Variants in COL5A2 observed in about 807,000 individuals in gnomAD.
COL5A2 encodes collagen alpha-2(V) chain.
In COL5A2, 23 loss-of-function variants were observed where a neutral mutation model predicts 208.2. That is an observed-to-expected ratio of 0.11 (90% CI 0.08 to 0.16). COL5A2 has a LOEUF of 0.16. Among genes scored for constraint, COL5A2 ranks in the 10% least tolerant of loss-of-function variants. COL5A2 has a pLI of 1.00. For synonymous variants in COL5A2, 625 were observed against 628.5 expected (o/e 0.99, Z 0.08); for missense variants, 1,590 against 1,956.4 (o/e 0.81, Z 3.53).
At chr2:189,064,219 C>T (rs149223409) in intron 25 of COL5A2, among the ~76,000 whole-genome samples, 186 bp from the exon 26 acceptor site, 1 of 152,096 alleles carries the variant, frequency 6.6e-6, no homozygotes, top group African/African-American at 2.4e-5. Flanking sequence ...ACTTTATTTG[C>T]TATATTGCTA....
the COL5A2 span, among the ~76,000 whole-genome samples, chr2:189,386,938 G>A: frequency 2.0e-5 from 3 of 151,422 alleles, no homozygotes; most frequent in Non-Finnish European, 3.0e-5. Flanking sequence ...CAGAAAAACT[G>A]TTTGACTCAG....
At chr2:189,179,387 C>A in intron 1 of COL5A2, 121 bp downstream of exon 1, 1 of 1,107,272 alleles carries the variant, frequency 9.0e-7, no homozygotes, top group South Asian at 1.3e-5. Context: ...GCAAATCCGT[C>A]AGCCCCCTTC....
At chr2:189,183,264 G>T (rs1176614355), upstream of COL5A2, among the ~76,000 whole-genome samples, 1 of 152,114 alleles carries the variant, frequency 6.6e-6, no homozygotes, top group African/African-American at 2.4e-5. Context: ...TCCATTCATG[G>T]CTTCCCTGGT....
At chr2:189,316,582 T>C in the COL5A2 span, among the ~76,000 whole-genome samples, 1 of 151,586 alleles carries the variant, frequency 6.6e-6, no homozygotes, top group South Asian at 2.1e-4. Context: ...CAAACTGGGG[T>C]CCTTCAGAGG....
intron 1 of COL5A2, among the ~76,000 whole-genome samples, chr2:189,129,934 A>G (rs150759791): frequency 1.8e-3 from 280 of 152,186 alleles, no homozygotes; most frequent in African/African-American, 6.1e-3. Context: ...GCAAAGGAAG[A>G]TGAAATAAAT....
At chr2:189,229,541 G>C (rs560315118), upstream of COL5A2, among the ~76,000 whole-genome samples, 6 of 151,374 alleles carry the variant, frequency 4.0e-5, no homozygotes, top group African/African-American at 1.2e-4. Flanking sequence ...ACTAACAGTG[G>C]ACAATCTGAA....
chr2:189,305,572 C>T, the COL5A2 span, among the ~76,000 whole-genome samples: 1,386 of 152,260 alleles, frequency 9.1e-3, 69 homozygotes, highest in Admixed American at 0.071. Context: ...GCCTCCAGAA[C>T]TGTTACAAAT....
chr2:189,305,534 T>A, the COL5A2 span, among the ~76,000 whole-genome samples: 1 of 152,214 alleles, frequency 6.6e-6, no homozygotes, highest in African/African-American at 2.4e-5. Context: ...ATACCAAACC[T>A]GACAGCACAT....
intron 1 of COL5A2, among the ~76,000 whole-genome samples, chr2:189,193,407 A>C (rs762094906): frequency 1.3e-5 from 2 of 152,268 alleles, no homozygotes; most frequent in Non-Finnish European, 2.9e-5. Flanking sequence ...ATGCAAAATC[A>C]AAATACTATT....
At chr2:189,064,729 G>GATAA in intron 24 of COL5A2, 74 bp from the exon 25 acceptor site, 3 of 1,113,514 alleles carry the variant, frequency 2.7e-6, no homozygotes, top group Non-Finnish European at 4.1e-6. Flanking sequence ...TAAAATTATC[G>GATAA]TTTTACAAAT....
chr2:189,410,909 AATT>A, the COL5A2 span, among the ~76,000 whole-genome samples: 1 of 152,212 alleles, frequency 6.6e-6, no homozygotes, highest in Admixed American at 6.5e-5. Context: ...TTAAAATTAT[AATT>A]ATTAACTTTA....
At chr2:189,135,354 G>A (rs36019389) in intron 1 of COL5A2, among the ~76,000 whole-genome samples, 117,436 of 152,110 alleles carry the variant, frequency 0.77, 48,729 homozygotes, top group Non-Finnish European at 0.91. Flanking sequence ...TTGCCACACA[G>A]TCAGTTGTGA....
the COL5A2 span, among the ~76,000 whole-genome samples, chr2:189,394,539 T>C: frequency 6.6e-6 from 1 of 152,224 alleles, no homozygotes; most frequent in African/African-American, 2.4e-5. Context: ...CCAAGAATAA[T>C]ACTTTCAACA....
At chr2:189,389,671 T>C in the COL5A2 span, among the ~76,000 whole-genome samples, 1 of 152,328 alleles carries the variant, frequency 6.6e-6, no homozygotes, top group African/African-American at 2.4e-5. Context: ...TTATTATTTA[T>C]TCCTATTGTA....
At chr2:189,083,926 AT>A (rs761227029) in intron 12 of COL5A2, 57 bp downstream of exon 12, 72 of 1,261,744 alleles carry the variant, frequency 5.7e-5, no homozygotes, top group Non-Finnish European at 8.3e-5. Context: ...GAGAATTGTG[AT>A]TTAATTCAAT....
the COL5A2 span, among the ~76,000 whole-genome samples, chr2:189,400,986 A>T: frequency 6.6e-6 from 1 of 152,234 alleles, no homozygotes; most frequent in Non-Finnish European, 1.5e-5. Flanking sequence ...TTTATGTATC[A>T]GAGTAACTTG....
chr2:189,229,627 G>A (rs901188747), upstream of COL5A2, among the ~76,000 whole-genome samples: 4 of 151,366 alleles, frequency 2.6e-5, no homozygotes, highest in African/African-American at 9.7e-5. Context: ...TTTAACTGAG[G>A]GACCAAAAGA....
At chr2:189,212,779 G>A (rs1033647864) in intron 1 of COL5A2, among the ~76,000 whole-genome samples, 2 of 151,744 alleles carry the variant, frequency 1.3e-5, no homozygotes, top group African/African-American at 4.8e-5. Context: ...ATAAATTGGG[G>A]TGGCAAGAGG....
At chr2:189,297,904 C>CT in the COL5A2 span, among the ~76,000 whole-genome samples, 1 of 152,130 alleles carries the variant, frequency 6.6e-6, no homozygotes, top group African/African-American at 2.4e-5. Flanking sequence ...TTTAATAATA[C>CT]TTTGTCAAAT....
Sources: allele counts gnomAD v4.1 joint callset (sites outside exome capture counted in the v4.1 genomes callset), GRCh38; gene constraint gnomAD v4.1.1; transcripts MANE v1.5; gene names NCBI Gene and HGNC (gene_info 2026-07-23, HGNC 2026-07-21).